SARM1: variants seen among roughly 807,000 people sequenced by gnomAD.
The protein encoded by SARM1 is NAD(+) hydrolase SARM1.
A neutral mutation model predicts 65.1 loss-of-function variants in SARM1; 60 were observed. The observed-to-expected ratio is 0.92, with a 90% CI of 0.75 to 1.14. SARM1 has a LOEUF of 1.14. Among genes scored for constraint, SARM1 ranks in the 50% most tolerant of loss-of-function variants. The pLI is 0.00. For missense variants in SARM1, 913 were observed against 1,015.7 expected, an observed-to-expected ratio of 0.90 and a Z score of 1.37; for synonymous variants, 417 against 465.4, an observed-to-expected ratio of 0.90 and a Z score of 1.34.
intron 2 of SARM1, among the ~76,000 whole-genome samples, chr17:28,383,731 C>CAGTGGA (rs1188374306): frequency 6.6e-6 from 1 of 152,202 alleles, no homozygotes; most frequent in Non-Finnish European, 1.5e-5. Flanking sequence ...GCTTATACTC[C>CAGTGGA]AGTGGAAGTT....
chr17:28,393,898 C>T (rs2068094108), intron 7 of SARM1, among the ~76,000 whole-genome samples: 1 of 152,182 alleles, frequency 6.6e-6, no homozygotes. Context: ...ATATGTTCTG[C>T]AGAGCCTATA....
chr17:28,393,375 C>T (rs2068090387), intron 7 of SARM1, among the ~76,000 whole-genome samples: 1 of 151,912 alleles, frequency 6.6e-6, no homozygotes, highest in Non-Finnish European at 1.5e-5. Context: ...ATGGTGAAAC[C>T]CCATCTCTAC....
chr17:28,372,433 A>T lies in SARM1; in HGVS notation c.401A>T (p.Gln134Leu). Residue 134 changes from glutamine (Q) to leucine (L), a missense_variant, in exon 1 of 9, where the codon CAG (glutamine) becomes CTG (leucine). Physicochemically the swap from Gln to Leu is moderately radical, Grantham distance 113 (BLOSUM62 -2). Coordinates refer to ENST00000585482, the MANE Select transcript of SARM1 (RefSeq NM_015077.4). The surrounding 1 kb of genome is among the most constrained non-coding windows in gnomAD (Gnocchi z 5.2). Reference protein sequence around the residue: ...GGLDLLLRLLQAPELETRVQA... With the variant: ...GGLDLLLRLLLAPELETRVQA... Reference sequence around the variant, plus strand: ...CTCGACCTGCTGTTGCGGCTGCTGCAGGCGCCGGAGTTGGAGACGCGTGTG... The same window carrying T: ...CTCGACCTGCTGTTGCGGCTGCTGCTGGCGCCGGAGTTGGAGACGCGTGTG... 2 of 1,530,148 alleles carry T rather than the reference A, an allele frequency of 1.3e-6. No homozygotes were observed. Among genetic ancestry groups the T allele is most frequent in the Non-Finnish European group, 8.7e-7 (1 of 1,145,190 alleles). The allele number at this position is 1,530,148 out of a possible 1,614,324, so 94.8% of individuals were successfully genotyped here.
chr17:28,395,732 A>C (rs1555587644), intron 7 of SARM1, 173 bp from the exon 8 acceptor site: 1 of 648,444 alleles, frequency 1.5e-6, no homozygotes, highest in Non-Finnish European at 2.6e-6. Context: ...CAAAGGAAAA[A>C]TATTTATTTT....
At position 28,402,112 on chromosome 17, in the gene SARM1, G is replaced by T; in HGVS notation, c.*5826G>T. 1.4e-6 allele frequency: 1 copy of T among 735,544 alleles called. No homozygotes were observed. The allele number at this position is 735,544 out of a possible 1,614,324, so 45.6% of individuals were successfully genotyped here. On this transcript the variant is annotated 3_prime_UTR_variant, in exon 9 of 9. Transcript: ENST00000585482. Reference sequence around the variant, plus strand: ...AATTTCACAGAAATGTGTTTGTTTTGGCCACTTACTTCTCCAGGGTGAGAG... The same window carrying T: ...AATTTCACAGAAATGTGTTTGTTTTTGCCACTTACTTCTCCAGGGTGAGAG...
intron 1 of SARM1, among the ~76,000 whole-genome samples, chr17:28,377,827 A>G (rs1052679735): frequency 6.6e-6 from 1 of 152,022 alleles, no homozygotes; most frequent in Non-Finnish European, 1.5e-5. Context: ...CCTCCTGAGT[A>G]GCTGGGATTA....
chr17:28,384,985 C>T lies in SARM1; in HGVS notation c.1394+55C>T, dbSNP rs2068042964. On this transcript the variant is annotated intron_variant, in intron 4 of 8. Transcript: ENST00000585482. The surrounding 1 kb of genome is among the most constrained non-coding windows in gnomAD (Gnocchi z 4.4). ...GCTAGGTCTAAATAAGCTCCCCCTC[C>T]GCCCACAGCCCGTCCGAGTCTGGAC... 6.2e-7 allele frequency: 1 copy of T among 1,601,468 alleles called. No individual in the cohort carries two copies. Among genetic ancestry groups the T allele is most frequent in the African/African-American group, 1.3e-5 (1 of 74,648 alleles).
intron 1 of SARM1, among the ~76,000 whole-genome samples, chr17:28,375,108 A>G (rs1258057139): frequency 1.3e-5 from 2 of 152,008 alleles, no homozygotes; most frequent in African/African-American, 4.8e-5. Flanking sequence ...CCTGACTTCC[A>G]ACTACCAGAA....
chr17:28,395,884 T>C (rs782700529), intron 7 of SARM1, 21 bp from the exon 8 acceptor site: 95 of 1,612,808 alleles, frequency 5.9e-5, no homozygotes, highest in Non-Finnish European at 7.9e-5. Context: ...GGTATCTTCC[T>C]CCTTTCCTTT....
In SARM1 at chr17:28,372,719, T is replaced by C. The variant is rs773184068; in HGVS notation, c.470+217T>C. On this transcript the variant is annotated intron_variant, in intron 1 of 8. Transcript: ENST00000585482. This position sits in a 1 kb window ranked among gnomAD's most constrained non-coding sequence, Gnocchi z 5.2. ...CTCAGTGGATCACAGTGAACTAAGATTTGCTCCCAGGGCTAGTGGGGTGAG... is the reference window on the plus strand; with the variant it reads ...CTCAGTGGATCACAGTGAACTAAGACTTGCTCCCAGGGCTAGTGGGGTGAG... Among the ~76,000 whole-genome samples, 4 of 152,178 alleles carry C rather than the reference T, an allele frequency of 2.6e-5. No homozygotes were observed. The highest frequency in any genetic ancestry group is 5.9e-5 in the Non-Finnish European group (4 of 68,014).
Position 28,399,388 on chromosome 17 carries a change from G to A in SARM1, c.*3102G>A. 6.1e-6 allele frequency: 3 copies of A among 491,932 alleles called. No homozygotes were observed. Among genetic ancestry groups the A allele is most frequent in the Non-Finnish European group, 1.1e-5 (3 of 271,624 alleles). The allele number at this position is 491,932 out of a possible 1,614,324, so 30.5% of individuals were successfully genotyped here. ...GGTTATAAGTGATGGATAGCAGAAA[G>A]GGAGAACTGACTCCTGTCCCAAATA... On this transcript the variant is annotated 3_prime_UTR_variant, in exon 9 of 9. Transcript: ENST00000585482.
chr17:28,380,813 A>C (rs568983056), intron 1 of SARM1, among the ~76,000 whole-genome samples: 4 of 152,336 alleles, frequency 2.6e-5, no homozygotes, highest in African/African-American at 4.8e-5. Flanking sequence ...AGGTATTTCT[A>C]TTTTCTATTT....
At chr17:28,376,346 G>A (rs543208936) in intron 1 of SARM1, among the ~76,000 whole-genome samples, 142 of 143,058 alleles carry the variant, frequency 9.9e-4, no homozygotes, top group African/African-American at 3.7e-3. Context: ...ATCGTTTGAG[G>A]TCAGGAGTTC....
At chr17:28,379,748 G>A (rs1433527555) in intron 1 of SARM1, among the ~76,000 whole-genome samples, 1 of 152,350 alleles carries the variant, frequency 6.6e-6, no homozygotes, top group Non-Finnish European at 1.5e-5. Flanking sequence ...AAGTGATGGG[G>A]AAAAGCCTTT....
Position 28,381,466 on chromosome 17 carries a change from T to G in SARM1, c.734T>G (p.Met245Arg). Reference sequence around the variant, plus strand: ...GGGGGCCAGGCGGTGCAGCGACGCATGGTAGAGAAGCGCGCAGCCGAGTGG... The same window carrying G: ...GGGGGCCAGGCGGTGCAGCGACGCAGGGTAGAGAAGCGCGCAGCCGAGTGG... ...LHGGQAVQRRMVEKRAAEWLF... is the reference protein window; with the variant it reads ...LHGGQAVQRRRVEKRAAEWLF... The change falls in exon 2 of 9, where the codon ATG becomes AGG. Residue 245 changes from methionine to arginine, a missense_variant. Physicochemically the swap from Met to Arg is moderately conservative, Grantham distance 91. Around this residue, in one of 3 missense-constraint regions of SARM1, gnomAD observed 862 missense variants for 952.1 expected, o/e 0.91. Coordinates refer to ENST00000585482, the MANE Select transcript of SARM1 (RefSeq NM_015077.4). 2 of 1,552,162 alleles carry G rather than the reference T, an allele frequency of 1.3e-6. No individual in the cohort carries two copies. The highest frequency in any genetic ancestry group is 1.7e-6 in the Non-Finnish European group (2 of 1,148,210).
intron 7 of SARM1, among the ~76,000 whole-genome samples, chr17:28,393,339 A>G (rs994254456): frequency 7.2e-5 from 11 of 152,206 alleles, no homozygotes; most frequent in African/African-American, 2.2e-4. Context: ...ACTTGAGGCC[A>G]GGAGTTTGAG....
intron 1 of SARM1, among the ~76,000 whole-genome samples, chr17:28,377,069 C>T (rs2067995596): frequency 6.6e-6 from 1 of 152,210 alleles, no homozygotes; most frequent in African/African-American, 2.4e-5. Context: ...GGATTACAGG[C>T]GTGAGCTACC....
At chr17:28,381,178 G>C (rs782452231) in intron 1 of SARM1, 25 bp from the exon 2 acceptor site, 2 of 1,566,626 alleles carry the variant, frequency 1.3e-6, no homozygotes, top group Non-Finnish European at 1.7e-6. Flanking sequence ...CAATTCCACT[G>C]TCCCCTTCCA....
At chr17:28,390,249 G>A (rs4794828) in intron 7 of SARM1, among the ~76,000 whole-genome samples, 87,908 of 152,026 alleles carry the variant, frequency 0.58, 26,074 homozygotes, top group East Asian at 0.72. Context: ...AATAGAAAGG[G>A]AATGTTTAGG....
Sources: allele counts gnomAD v4.1 joint callset (sites outside exome capture counted in the v4.1 genomes callset), GRCh38; gene constraint gnomAD v4.1.1; regional missense constraint gnomAD v4.1.1; non-coding constraint Gnocchi (gnomAD v3.1); transcripts MANE v1.5; gene names NCBI Gene and HGNC (gene_info 2026-07-23, HGNC 2026-07-21).